Variants in HHIP observed in about 807,000 individuals in gnomAD.
HHIP encodes the protein hedgehog interacting protein.
In HHIP, 12 loss-of-function variants were observed where a neutral mutation model predicts 74.0. The ratio of observed to expected loss-of-function variants is 0.16; its 90% CI spans 0.10 to 0.26. The LOEUF is 0.26. Among genes scored for constraint, HHIP ranks in the 10% least tolerant of loss-of-function variants. HHIP has a pLI of 1.00. For missense variants in HHIP, 788 were observed against 845.0 expected (o/e 0.93, Z 0.84); for synonymous variants, 309 against 311.6 (o/e 0.99, Z 0.09).
intron 4 of HHIP, among the ~76,000 whole-genome samples, chr4:144,692,774 C>A (rs2126636634): frequency 6.6e-6 from 1 of 152,234 alleles, no homozygotes; most frequent in East Asian, 1.9e-4. Context: ...TGTCAGGGGT[C>A]ATCCTTCTAT....
At chr4:144,664,523 C>T (rs1440463836) in intron 4 of HHIP, among the ~76,000 whole-genome samples, 1 of 152,184 alleles carries the variant, frequency 6.6e-6, no homozygotes, top group Non-Finnish European at 1.5e-5. Flanking sequence ...TAAGGCAACC[C>T]ATGAAGCGTT....
At position 144,745,211 on chromosome 4, in the gene HHIP, A is replaced by T. The variant is rs976402224; in HGVS notation, c.*7254A>T. The T allele has an allele frequency of 2.6e-5, 4 of 152,166 alleles. No individual in the cohort carries two copies. Among genetic ancestry groups the T allele is most frequent in the Admixed American group, 6.5e-5 (1 of 15,272 alleles). The allele number at this position is 152,166 out of a possible 1,614,324, so 9.4% of individuals were successfully genotyped here. Reference sequence around the variant, plus strand: ...AAATGCATGCCTGAAATTTGGTTAGATTGGCTGTGTTTTGTGTCTTTTAAC... The same window carrying T: ...AAATGCATGCCTGAAATTTGGTTAGTTTGGCTGTGTTTTGTGTCTTTTAAC... On this transcript the variant is annotated 3_prime_UTR_variant, in exon 13 of 13. Coordinates refer to ENST00000296575, the MANE Select transcript of HHIP (RefSeq NM_022475.3).
chr4:144,710,911 A>G (rs1730279224), intron 7 of HHIP, among the ~76,000 whole-genome samples: 1 of 152,220 alleles, frequency 6.6e-6, no homozygotes, highest in Admixed American at 6.5e-5. Flanking sequence ...ATTGTATTAT[A>G]TAACTTCATT....
At chr4:144,659,492 A>G (rs1011002773) in intron 3 of HHIP, 145 bp from the exon 4 acceptor site, 13 of 491,736 alleles carry the variant, frequency 2.6e-5, no homozygotes, top group Non-Finnish European at 2.1e-5. Flanking sequence ...TAAAAGAATT[A>G]TATTGTGACC....
At chr4:144,719,782 C>T (rs542075352) in intron 11 of HHIP, among the ~76,000 whole-genome samples, 2 of 152,308 alleles carry the variant, frequency 1.3e-5, no homozygotes, top group South Asian at 4.1e-4. Flanking sequence ...TACTCTTTAG[C>T]CACACCATGC....
chr4:144,665,091 G>A (rs1453627241), intron 4 of HHIP, among the ~76,000 whole-genome samples: 1 of 152,132 alleles, frequency 6.6e-6, no homozygotes, highest in Non-Finnish European at 1.5e-5. Flanking sequence ...TTCATTTTTT[G>A]AGACAGAGTC....
At chr4:144,686,298 AT>A (rs199986037) in intron 4 of HHIP, among the ~76,000 whole-genome samples, 47 of 150,076 alleles carry the variant, frequency 3.1e-4, no homozygotes, top group African/African-American at 8.5e-4. Context: ...AAGAAGAGGG[AT>A]TTTTTTTTTA....
At chr4:144,712,127 T>C (rs1395445572) in intron 8 of HHIP, 56 bp downstream of exon 8, 13 of 1,472,636 alleles carry the variant, frequency 8.8e-6, no homozygotes, top group Non-Finnish European at 1.2e-5. Context: ...TCTTAGTATA[T>C]TTAGTAATTG....
rs869028218 is a variant in HHIP at position 144,716,854 on chromosome 4, GAAAAAAAAAAAAAAA to G, written c.1678+1444_1678+1458del. On this transcript the variant is annotated intron_variant, in intron 10 of 12. Coordinates refer to ENST00000296575, the MANE Select transcript of HHIP (RefSeq NM_022475.3). ...ACATGAGCAAAACTCCGTCTCAAAA[GAAAAAAAAAAAAAAA>G]AAAAAAAAAAAAAAAAAAAGTAAAA... 0.016 allele frequency among the ~76,000 whole-genome samples: 877 copies of G among 54,728 alleles called. 24 individuals carry two copies. In the East Asian group the frequency reaches 0.17, roughly 11 times the overall value. 35.9% of individuals were successfully genotyped at this position (54,728 alleles called of 152,430 possible). A position where few individuals can be genotyped will look rare whatever the true frequency, so the allele number is the denominator to read the frequency against.
intron 8 of HHIP, among the ~76,000 whole-genome samples, chr4:144,713,300 T>A (rs183624909): frequency 6.6e-6 from 1 of 152,122 alleles, no homozygotes; most frequent in African/African-American, 2.4e-5. Context: ...CTCCAGAGTT[T>A]GTGACCTTAA....
chr4:144,706,701 G>T lies in HHIP; in HGVS notation c.983+19G>T. On this transcript the variant is annotated intron_variant, in intron 5 of 12. Coordinates refer to ENST00000296575, the MANE Select transcript of HHIP (RefSeq NM_022475.3). ...TATCCAGGTATCACTAAAAGGCATC[G>T]AAGCATAGAAATTTCTCATCTTATT... The T allele has an allele frequency of 1.9e-6, 3 of 1,567,136 alleles. No individual in the cohort carries two copies. Among genetic ancestry groups the T allele is most frequent in the Non-Finnish European group, 2.6e-6 (3 of 1,162,856 alleles).
intron 9 of HHIP, chr4:144,715,072 A>C (rs529143888): frequency 5.0e-6 from 2 of 397,588 alleles, no homozygotes; most frequent in South Asian, 5.7e-5. Flanking sequence ...TCTCATACTC[A>C]GGTACTTTTA....
chr4:144,658,052 C>T (rs1298527909), intron 2 of HHIP, among the ~76,000 whole-genome samples: 2 of 152,060 alleles, frequency 1.3e-5, no homozygotes, highest in African/African-American at 4.8e-5. Flanking sequence ...AAACTGGCAC[C>T]TGATGGCCTG....
chr4:144,656,458 G>A (rs928106763), intron 2 of HHIP, among the ~76,000 whole-genome samples: 1 of 152,098 alleles, frequency 6.6e-6, no homozygotes, highest in Non-Finnish European at 1.5e-5. Flanking sequence ...ATTTGTCCCA[G>A]TTACTAATTC....
At chr4:144,649,568 C>T (rs774543796) in intron 1 of HHIP, among the ~76,000 whole-genome samples, 3 of 152,184 alleles carry the variant, frequency 2.0e-5, no homozygotes, top group East Asian at 1.9e-4. Flanking sequence ...GCAATATTTT[C>T]GCACTTTCTA....
intron 4 of HHIP, among the ~76,000 whole-genome samples, chr4:144,672,533 A>G (rs988381344): frequency 2.6e-5 from 4 of 152,086 alleles, no homozygotes; most frequent in African/African-American, 9.7e-5. Flanking sequence ...ATGAGATTGC[A>G]GAGTTGAGCA....
chr4:144,728,997 C>T (rs1730875445), intron 11 of HHIP, among the ~76,000 whole-genome samples: 1 of 151,940 alleles, frequency 6.6e-6, no homozygotes. Flanking sequence ...AAAGAAACAC[C>T]GATATGACCA....
chr4:144,685,832 C>A (rs1286842125), intron 4 of HHIP, among the ~76,000 whole-genome samples: 2 of 152,160 alleles, frequency 1.3e-5, no homozygotes, highest in Admixed American at 6.6e-5. Flanking sequence ...TTACAATAAG[C>A]TTTGCTTATA....
chr4:144,696,911 C>T (rs1348926968), intron 4 of HHIP, among the ~76,000 whole-genome samples: 2 of 151,932 alleles, frequency 1.3e-5, no homozygotes, highest in East Asian at 1.9e-4. Context: ...AGAAATACCA[C>T]GATGTGGTCT....
Sources: gnomAD v4.1 joint callset for allele counts (sites outside exome capture counted in the v4.1 genomes callset) on GRCh38, gnomAD v4.1.1 for gene constraint, MANE v1.5 for transcripts, NCBI Gene and HGNC (gene_info 2026-07-23, HGNC 2026-07-21) for gene names.